CDYL: variants seen among roughly 807,000 people sequenced by gnomAD.
The protein encoded by CDYL is chromodomain Y-like protein.
A neutral mutation model predicts 47.3 loss-of-function variants in CDYL; 8 were observed. That is an observed-to-expected ratio of 0.17 (90% CI 0.10 to 0.31). CDYL has a LOEUF of 0.31. Among genes scored for constraint, CDYL ranks in the 10% least tolerant of loss-of-function variants. CDYL has a pLI of 1.00. For missense variants in CDYL, 471 were observed against 701.4 expected, an observed-to-expected ratio of 0.67 and a Z score of 3.71; for synonymous variants, 266 against 265.0, an observed-to-expected ratio of 1.00 and a Z score of -0.04.
chr6:4,851,000 A>G (rs1196810351), intron 1 of CDYL, among the ~76,000 whole-genome samples: 2 of 152,208 alleles, frequency 1.3e-5, no homozygotes, highest in Non-Finnish European at 2.9e-5. Flanking sequence ...AAAACTGAGC[A>G]CTAGGGTCTG....
intron 1 of CDYL, among the ~76,000 whole-genome samples, chr6:4,813,399 A>G (rs1759580928): frequency 6.6e-6 from 1 of 152,174 alleles, no homozygotes; most frequent in African/African-American, 2.4e-5. Flanking sequence ...GTGGGTTTTA[A>G]TTTGATGGTG....
intron 1 of CDYL, among the ~76,000 whole-genome samples, chr6:4,710,762 C>T (rs753414029): frequency 6.6e-6 from 1 of 152,166 alleles, no homozygotes; most frequent in Non-Finnish European, 1.5e-5. Context: ...TTCTAACCAT[C>T]CTTCCAAGCT....
intron 1 of CDYL, among the ~76,000 whole-genome samples, chr6:4,884,038 T>C (rs1363275804): frequency 6.6e-6 from 1 of 152,186 alleles, no homozygotes; most frequent in Non-Finnish European, 1.5e-5. Context: ...GTGAGAGCCA[T>C]AGACATGGTG....
At chr6:4,821,060 T>C (rs549057385) in intron 1 of CDYL, among the ~76,000 whole-genome samples, 9 of 152,168 alleles carry the variant, frequency 5.9e-5, no homozygotes, top group Non-Finnish European at 1.3e-4. Flanking sequence ...TTATTAATGA[T>C]GTCATGTAGA....
At chr6:4,841,427 G>T (rs1760485369) in intron 1 of CDYL, among the ~76,000 whole-genome samples, 1 of 152,044 alleles carries the variant, frequency 6.6e-6, no homozygotes, top group Admixed American at 6.6e-5. Context: ...TATTTCTTCT[G>T]CTGGGTTTGG....
intron 1 of CDYL, among the ~76,000 whole-genome samples, chr6:4,834,680 A>G (rs1274208012): frequency 6.6e-6 from 1 of 151,882 alleles, no homozygotes; most frequent in South Asian, 2.1e-4. Flanking sequence ...TTCCAACTTG[A>G]TTCCATTCTC....
rs183208877 is a variant in CDYL, at chr6:4,801,891, C to A, written c.24+25084C>A. On this transcript the variant is annotated intron_variant, in intron 1 of 6. Coordinates refer to ENST00000397588, the MANE Select transcript of CDYL (RefSeq NM_004824.4). ...TTCTGGTTTCTGACTGCTTTTTCAC[C>A]GTGCTGCTTGTGGTTTCCTCAGCAC... 2.0e-5 allele frequency among the ~76,000 whole-genome samples: 3 copies of A among 152,114 alleles called. No individual in the cohort carries two copies. The East Asian group carries it at 5.8e-4, about 29-fold the overall frequency.
intron 2 of CDYL, among the ~76,000 whole-genome samples, chr6:4,907,707 A>C (rs565199114): frequency 6.6e-6 from 1 of 152,208 alleles, no homozygotes; most frequent in South Asian, 2.1e-4. Flanking sequence ...CGGATGCTCA[A>C]AACTGATCGC....
chr6:4,828,216 A>G (rs1479210262), intron 1 of CDYL, among the ~76,000 whole-genome samples: 6 of 139,800 alleles, frequency 4.3e-5, no homozygotes, highest in Admixed American at 1.4e-4. Flanking sequence ...TTTGCTGGAT[A>G]TAGGACTTTT....
intron 2 of CDYL, among the ~76,000 whole-genome samples, chr6:4,919,992 A>G (rs1422617533): frequency 3.9e-5 from 6 of 152,182 alleles, no homozygotes; most frequent in Non-Finnish European, 7.3e-5. Flanking sequence ...AATGTGGCCT[A>G]TCCGCAGAAT....
At chr6:4,883,698 G>A (rs1303251006) in intron 1 of CDYL, among the ~76,000 whole-genome samples, 1 of 152,214 alleles carries the variant, frequency 6.6e-6, no homozygotes, top group East Asian at 1.9e-4. Context: ...TGAAGGCACT[G>A]TCAGCCTATG....
chr6:4,923,115 A>G (rs1046116425), intron 2 of CDYL, among the ~76,000 whole-genome samples: 2 of 152,238 alleles, frequency 1.3e-5, no homozygotes, highest in Non-Finnish European at 2.9e-5. Context: ...AAAATATACA[A>G]TAAATTATTG....
At chr6:4,752,815 T>C (rs1228635144) in intron 3 of CDYL, among the ~76,000 whole-genome samples, 3 of 143,878 alleles carry the variant, frequency 2.1e-5, no homozygotes, top group Non-Finnish European at 4.5e-5. Context: ...GAAAAGTCTT[T>C]CATGTCTGCA....
rs112770469 is a variant in CDYL, at chr6:4,783,440, G to A, written c.24+6633G>A. ...GACTTTTTTTTTTTTTTTTGAGGTG[G>A]CGTTTCACTCTTGTCGCCCAGGCTG... On this transcript the variant is annotated intron_variant, in intron 1 of 6. Transcript: ENST00000397588. Among the ~76,000 whole-genome samples, 1,338 of 148,900 alleles carry A rather than the reference G, an allele frequency of 9.0e-3. 23 individuals are homozygous for A. Among genetic ancestry groups the A allele is most frequent in the African/African-American group, 0.032 (1,294 of 40,208 alleles).
At chr6:4,763,270 A>G (rs949479923) in intron 3 of CDYL, among the ~76,000 whole-genome samples, 14 of 152,322 alleles carry the variant, frequency 9.2e-5, no homozygotes, top group African/African-American at 3.4e-4. Flanking sequence ...GAAAATATCC[A>G]GCCTTGGAGA....
intron 3 of CDYL, among the ~76,000 whole-genome samples, chr6:4,752,836 A>ATGTGTGTGTGTGTGTG (rs35686534): frequency 5.8e-4 from 86 of 148,852 alleles, no homozygotes; most frequent in South Asian, 2.4e-3. Flanking sequence ...AAGGAAAATA[A>ATGTGTGTGTGTGTGTG]TGTGTGTGTG....
chr6:4,882,163 A>T (rs908580065), intron 1 of CDYL, among the ~76,000 whole-genome samples: 1 of 152,190 alleles, frequency 6.6e-6, no homozygotes, highest in African/African-American at 2.4e-5. Context: ...TCCATGACTC[A>T]AGAGTCTCTT....
At chr6:4,883,494 C>T (rs143425322) in intron 1 of CDYL, among the ~76,000 whole-genome samples, 1 of 152,230 alleles carries the variant, frequency 6.6e-6, no homozygotes, top group Non-Finnish European at 1.5e-5. Context: ...AGAACACCTG[C>T]TAGCACCTCT....
At chr6:4,767,199 T>G (rs1019949875) in intron 3 of CDYL, among the ~76,000 whole-genome samples, 3 of 151,752 alleles carry the variant, frequency 2.0e-5, no homozygotes, top group African/African-American at 7.3e-5. Flanking sequence ...ATTTACAAAA[T>G]GAAGGAATAA....
Sources: allele counts gnomAD v4.1 joint callset (sites outside exome capture counted in the v4.1 genomes callset), GRCh38; gene constraint gnomAD v4.1.1; transcripts MANE v1.5; gene names NCBI Gene and HGNC (gene_info 2026-07-23, HGNC 2026-07-21).